PPP1R21: variants seen among roughly 807,000 people sequenced by gnomAD.
PPP1R21 encodes KLRAQ motif containing 1.
PPP1R21 carries 85 observed loss-of-function variants against 112.8 expected under a neutral mutation model. That is an observed-to-expected ratio of 0.75 (90% confidence interval 0.63 to 0.90). The LOEUF is 0.90. Ranked by LOEUF, PPP1R21 falls within the 40% of genes least tolerant of loss-of-function variation. The probability of loss-of-function intolerance (pLI) is 0.00; values close to 1 mark genes in which losing one functional copy is unlikely to be tolerated. For missense variants in PPP1R21, 1,199 were observed against 901.5 expected (o/e 1.33, Z -4.23); for synonymous variants, 381 against 322.3 (o/e 1.18, Z -1.95).
intron 1 of PPP1R21, 61 bp downstream of exon 1, chr2:48,441,071 A>G: frequency 7.9e-7 from 1 of 1,268,636 alleles, no homozygotes; most frequent in Non-Finnish European, 1.1e-6. Flanking sequence ...TTGCCGTGGC[A>G]GCGACTTGTC....
At chr2:48,474,309 G>T (rs1668648971) in intron 11 of PPP1R21, among the ~76,000 whole-genome samples, 1 of 152,134 alleles carries the variant, frequency 6.6e-6, no homozygotes, top group African/African-American at 2.4e-5. Context: ...CTTGAACCTG[G>T]GATGCGGAGG....
intron 12 of PPP1R21, chr2:48,479,507 A>C (rs774164987): frequency 2.7e-5 from 13 of 475,128 alleles, no homozygotes; most frequent in South Asian, 2.0e-4. Flanking sequence ...AAGCAGGTCC[A>C]CAGAGCTCCT....
At chr2:48,506,084 A>G (rs1047710672) in intron 18 of PPP1R21, among the ~76,000 whole-genome samples, 4 of 152,196 alleles carry the variant, frequency 2.6e-5, no homozygotes, top group Non-Finnish European at 4.4e-5. Flanking sequence ...AAATATTCTA[A>G]GATGTAACTT....
chr2:48,451,569 C>T (rs1368182659), intron 2 of PPP1R21, among the ~76,000 whole-genome samples: 1 of 152,298 alleles, frequency 6.6e-6, no homozygotes, highest in East Asian at 1.9e-4. Flanking sequence ...TTGAGTGATA[C>T]ATTTTACCAT....
At chr2:48,482,621 A>G (rs1669068647) in intron 13 of PPP1R21, among the ~76,000 whole-genome samples, 2 of 150,856 alleles carry the variant, frequency 1.3e-5, no homozygotes, top group South Asian at 4.2e-4. Flanking sequence ...TACATGGCAG[A>G]TTAGCATTTA....
At chr2:48,508,735 T>C (rs1280073035) in intron 19 of PPP1R21, among the ~76,000 whole-genome samples, 2 of 152,246 alleles carry the variant, frequency 1.3e-5, no homozygotes, top group Non-Finnish European at 2.9e-5. Context: ...GAGCACAGAA[T>C]AGATGTTTGG....
At chr2:48,469,488 C>CATATAT (rs70943340) in intron 9 of PPP1R21, among the ~76,000 whole-genome samples, 460 of 44,740 alleles carry the variant, frequency 0.01, 46 homozygotes, top group Middle Eastern at 0.044. Flanking sequence ...ATATATAGAG[C>CATATAT]ATATATATAT....
In PPP1R21 at chr2:48,511,941, T is replaced by G. The variant is rs1327283224; in HGVS notation, c.2313+473T>G. 2.0e-5 allele frequency among the ~76,000 whole-genome samples: 3 copies of G among 152,170 alleles called. No individual in the cohort carries two copies. The East Asian group carries it at 5.8e-4, about 29-fold the overall frequency. On this transcript the variant is annotated intron_variant, in intron 21 of 21. Coordinates refer to ENST00000294952, the MANE Select transcript of PPP1R21 (RefSeq NM_001135629.3). ...CATTTGTCCTTTTTTCCAAAAGTAT[T>G]AAGTGTCTTTGGCTGAATTAAAAGC...
At chr2:48,489,910 T>C (rs1196426332) in intron 14 of PPP1R21, among the ~76,000 whole-genome samples, 1 of 151,884 alleles carries the variant, frequency 6.6e-6, no homozygotes, top group Non-Finnish European at 1.5e-5. Context: ...TGGGACGTGG[T>C]GGTGCACAAC....
intron 3 of PPP1R21, 21 bp downstream of exon 3, chr2:48,454,762 G>C (rs769801651): frequency 6.2e-7 from 1 of 1,600,934 alleles, no homozygotes; most frequent in East Asian, 2.2e-5. Context: ...ATACAGGCAA[G>C]TTAGTGTGAC....
At position 48,485,434 on chromosome 2, in the gene PPP1R21, G is replaced by T. The variant is rs530033448; in HGVS notation, c.1319-1197G>T. 6.6e-5 allele frequency among the ~76,000 whole-genome samples: 10 copies of T among 152,088 alleles called. No individual in the cohort carries two copies. In the South Asian group the frequency reaches 1.9e-3, roughly 28 times the overall value. Reference sequence around the variant, plus strand: ...TGAATGTAATAGTAATTTGCCAATTGGTTGGTTCCTTTTCTGTGACAACTG... The same window carrying T: ...TGAATGTAATAGTAATTTGCCAATTTGTTGGTTCCTTTTCTGTGACAACTG... On this transcript the variant is annotated intron_variant, in intron 13 of 21. Transcript: ENST00000294952.
Position 48,460,153 on chromosome 2 carries a change from G to C in PPP1R21, c.599G>C (p.Cys200Ser). ...GAATGTCGACTTCGAACGGAAGAAT[G>C]GTATGTGGAAACTTGAATTCCAAGA... is the stretch of plus-strand genomic sequence containing the variant. ...AKECRLRTEECQLQLKTLHED... is the reference protein window; with the variant it reads ...AKECRLRTEESQLQLKTLHED... The change falls in exon 6 of 22, where the codon TGT becomes TCT. Residue 200 changes from cysteine to serine, a missense_variant and splice_region_variant. Coordinates refer to ENST00000294952, the MANE Select transcript of PPP1R21 (RefSeq NM_001135629.3). 1 of 1,614,072 alleles carries C rather than the reference G, an allele frequency of 6.2e-7. No individual in the cohort carries two copies. Among genetic ancestry groups the C allele is most frequent in the Non-Finnish European group, 8.5e-7 (1 of 1,179,980 alleles).
chr2:48,450,881 G>T, intron 1 of PPP1R21, 127 bp from the exon 2 acceptor site: 13 of 660,458 alleles, frequency 2.0e-5, no homozygotes, highest in Admixed American at 7.9e-5. Context: ...ATACTTTTTT[G>T]TTCTCATATA....
At position 48,459,650 on chromosome 2, in the gene PPP1R21, A is replaced by G. The variant is rs1005777795; in HGVS notation, c.376-104A>G. 6.3e-6 allele frequency: 8 copies of G among 1,277,918 alleles called. No homozygotes were observed. The African/African-American group carries it at 1.0e-4, about 17-fold the overall frequency. 79.2% of individuals were successfully genotyped at this position (1,277,918 alleles called of 1,614,324 possible). A position where few individuals can be genotyped will look rare whatever the true frequency, so the allele number is the denominator to read the frequency against. On this transcript the variant is annotated intron_variant, in intron 4 of 21. Coordinates refer to ENST00000294952, the MANE Select transcript of PPP1R21 (RefSeq NM_001135629.3). ...TGTGTGGGTTTAACATAGTCAGCAT[A>G]TGGAACCATGTGGAAGTTGCTCAGT...
At chr2:48,499,885 A>G (rs189449176) in intron 17 of PPP1R21, among the ~76,000 whole-genome samples, 4 of 152,356 alleles carry the variant, frequency 2.6e-5, no homozygotes, top group African/African-American at 9.6e-5. Flanking sequence ...ATCTAGAAAA[A>G]GAAATCAGGA....
chr2:48,462,546 A>T (rs904969720), intron 7 of PPP1R21, among the ~76,000 whole-genome samples: 1 of 152,188 alleles, frequency 6.6e-6, no homozygotes, highest in Admixed American at 6.5e-5. Flanking sequence ...AATTACGTGA[A>T]GTATGGTATA....
In PPP1R21 at chr2:48,491,044, G is replaced by A; in HGVS notation, c.1473G>A (p.Leu491=). 1 of 1,613,970 alleles carries A rather than the reference G, an allele frequency of 6.2e-7. No individual in the cohort carries two copies. Reference sequence around the variant, plus strand: ...TTGCATCCTTCTTCAGCAACAATTTGGACTACTTCATTGCTTCACTGAGCT... The same window carrying A: ...TTGCATCCTTCTTCAGCAACAATTTAGACTACTTCATTGCTTCACTGAGCT... ...GKIASFFSNN[L]DYFIASLSYG... Residue 491 remains leucine (L), a synonymous_variant, in exon 15 of 22, where the codon TTG becomes TTA. Transcript: ENST00000294952.
chr2:48,510,144 T>C, intron 20 of PPP1R21, 31 bp downstream of exon 20: 1 of 1,530,504 alleles, frequency 6.5e-7, no homozygotes, highest in Non-Finnish European at 9.0e-7. Flanking sequence ...ATGGTTTTAA[T>C]GTTTTTTCAT....
chr2:48,460,152 T>A lies in PPP1R21; in HGVS notation c.598T>A (p.Cys200Ser), dbSNP rs1419665644. 6.2e-7 allele frequency: 1 copy of A among 1,614,062 alleles called. No homozygotes were observed. The highest frequency in any genetic ancestry group is 2.2e-5 in the East Asian group (1 of 44,878). The part of the protein sequence containing the change: ...AKECRLRTEE[C>S]QLQLKTLHED... ...GGAATGTCGACTTCGAACGGAAGAA[T>A]GGTATGTGGAAACTTGAATTCCAAG... Residue 200 changes from cysteine (C) to serine (S), a missense_variant and splice_region_variant, in exon 6 of 22, where the codon TGT (cysteine) becomes AGT (serine). Transcript: ENST00000294952.
Sources: gnomAD v4.1 joint callset for allele counts (sites outside exome capture counted in the v4.1 genomes callset) on GRCh38, gnomAD v4.1.1 for gene constraint, MANE v1.5 for transcripts, NCBI Gene and HGNC (gene_info 2026-07-23, HGNC 2026-07-21) for gene names.